DOCK9: variants seen among roughly 807,000 people sequenced by gnomAD.
DOCK9 encodes dedicator of cytokinesis protein 9.
A neutral mutation model predicts 263.3 loss-of-function variants in DOCK9; 89 were observed. The observed-to-expected ratio is 0.34, with a 90% CI of 0.28 to 0.40. The LOEUF (loss-of-function observed/expected upper bound fraction) is 0.40, where lower values mean the gene tolerates loss of function less well. DOCK9 is among the 10% of genes least tolerant of loss of function. The probability of loss-of-function intolerance (pLI) is 1.00; values close to 1 mark genes in which losing one functional copy is unlikely to be tolerated. For synonymous variants in DOCK9, 976 were observed against 973.1 expected (o/e 1.00, Z -0.06); for missense variants, 2,140 against 2,603.4 (o/e 0.82, Z 3.87).
rs568951938 is a variant in DOCK9, at chr13:98,955,918, A to G, written c.127-367T>C. Among the ~76,000 whole-genome samples, 132 of 152,366 alleles carry G rather than the reference A, an allele frequency of 8.7e-4. 1 individual carries two copies. Among genetic ancestry groups the G allele is most frequent in the African/African-American group, 3.1e-3 (128 of 41,592 alleles). On this transcript the variant is annotated intron_variant, in intron 1 of 52. Coordinates refer to ENST00000682017, the MANE Select transcript of DOCK9 (RefSeq NM_001366683.2). ...GCCTGGCAGTTGAGGCCAGATGCCCAGAACGGCTCCAGCCACGATACCATC... is the reference window on the plus strand; with the variant it reads ...GCCTGGCAGTTGAGGCCAGATGCCCGGAACGGCTCCAGCCACGATACCATC...
chr13:99,037,657 T>A (rs565215550), intron 1 of DOCK9, among the ~76,000 whole-genome samples: 1 of 152,212 alleles, frequency 6.6e-6, no homozygotes, highest in Non-Finnish European at 1.5e-5. Context: ...ATATAAAAAT[T>A]TGTACACAAA....
chr13:98,901,596 A>C (rs1249160105), intron 13 of DOCK9, among the ~76,000 whole-genome samples, 182 bp downstream of exon 13: 1 of 152,250 alleles, frequency 6.6e-6, no homozygotes, highest in East Asian at 1.9e-4. Context: ...TTATTTACAC[A>C]TAGGACTACA....
intron 45 of DOCK9, among the ~76,000 whole-genome samples, chr13:98,814,441 T>C (rs1249413581): frequency 6.7e-6 from 1 of 148,956 alleles, no homozygotes; most frequent in Admixed American, 6.7e-5. Flanking sequence ...AGTCTCATTC[T>C]GTCGCCCAGA....
At chr13:99,042,209 G>C (rs1358977240) in intron 1 of DOCK9, among the ~76,000 whole-genome samples, 5 of 152,214 alleles carry the variant, frequency 3.3e-5, no homozygotes, top group African/African-American at 1.2e-4. Context: ...AGTCTAACAG[G>C]TATTATCTCT....
intron 1 of DOCK9, among the ~76,000 whole-genome samples, chr13:99,034,756 G>C (rs1350391936): frequency 6.6e-6 from 1 of 152,176 alleles, no homozygotes; most frequent in Non-Finnish European, 1.5e-5. Flanking sequence ...AAAATGGTGA[G>C]CAGAGTTGTT....
upstream of DOCK9, among the ~76,000 whole-genome samples, chr13:98,980,227 A>G (rs189722083): frequency 3.3e-5 from 5 of 152,366 alleles, no homozygotes; most frequent in African/African-American, 9.6e-5. Flanking sequence ...GGTATTCTGT[A>G]AGGAATGAGA....
At chr13:99,012,718 T>C (rs2141949505) in intron 1 of DOCK9, among the ~76,000 whole-genome samples, 1 of 152,294 alleles carries the variant, frequency 6.6e-6, no homozygotes, top group East Asian at 1.9e-4. Context: ...AATATCCAAT[T>C]GTCAGTCATT....
chr13:98,811,758 T>C (rs981437145), intron 45 of DOCK9, among the ~76,000 whole-genome samples: 4 of 152,370 alleles, frequency 2.6e-5, no homozygotes, highest in East Asian at 1.9e-4. Flanking sequence ...AAGTTTTTAA[T>C]TGTAAACAAA....
intron 49 of DOCK9, among the ~76,000 whole-genome samples, chr13:98,802,003 AG>A: frequency 6.6e-6 from 1 of 152,326 alleles, no homozygotes; most frequent in Middle Eastern, 3.4e-3. Flanking sequence ...GGATCCACAA[AG>A]CTCCCTGGTA....
chr13:98,986,200 C>T (rs1878409149), intron 1 of DOCK9, among the ~76,000 whole-genome samples: 1 of 152,180 alleles, frequency 6.6e-6, no homozygotes, highest in Admixed American at 6.5e-5. Flanking sequence ...TTTTGTAGAC[C>T]TTATATTTGT....
intron 2 of DOCK9, among the ~76,000 whole-genome samples, chr13:98,937,427 T>C (rs948524502): frequency 6.6e-6 from 1 of 152,168 alleles, no homozygotes; most frequent in Non-Finnish European, 1.5e-5. Context: ...AGATGATCGA[T>C]AGACAGATAG....
chr13:99,058,094 G>A (rs2041011229), intron 1 of DOCK9, among the ~76,000 whole-genome samples: 1 of 151,604 alleles, frequency 6.6e-6, no homozygotes, highest in East Asian at 1.9e-4. Flanking sequence ...AATATGAAAT[G>A]TCCCAACTTC....
chr13:98,884,189 C>G (rs2045316420), intron 21 of DOCK9, among the ~76,000 whole-genome samples: 1 of 152,242 alleles, frequency 6.6e-6, no homozygotes, highest in South Asian at 2.1e-4. Context: ...ATTACACCAG[C>G]ATCTGAACCC....
At chr13:98,858,292 C>G (rs1465776373) in intron 33 of DOCK9, 1 of 152,190 alleles carries the variant, frequency 6.6e-6, no homozygotes, top group African/African-American at 2.4e-5. Context: ...AAAAGAAACC[C>G]TGAGCCTCAG....
intron 38 of DOCK9, among the ~76,000 whole-genome samples, chr13:98,838,579 C>T (rs544568734): frequency 1.1e-4 from 16 of 152,280 alleles, no homozygotes; most frequent in Admixed American, 3.9e-4. Context: ...TAAATACAAA[C>T]GGATATCTTC....
chr13:98,992,045 A>G (rs2390132), intron 1 of DOCK9, among the ~76,000 whole-genome samples: 82,756 of 151,426 alleles, frequency 0.55, 22,878 homozygotes, highest in South Asian at 0.68. Flanking sequence ...ACACCTGGTG[A>G]GATCGTGTCA....
chr13:99,087,099 CCTTTA>C (rs143422809), upstream of DOCK9, among the ~76,000 whole-genome samples: 3,993 of 152,246 alleles, frequency 0.026, 161 homozygotes, highest in African/African-American at 0.091. Flanking sequence ...AGGAAAGTAG[CCTTTA>C]TTTATGTGGC....
At chr13:99,016,046 A>G (rs542845161) in intron 1 of DOCK9, 197 of 154,178 alleles carry the variant, frequency 1.3e-3, no homozygotes, top group African/African-American at 4.7e-3. Flanking sequence ...ACTGCTGCAG[A>G]TGCTGCTGGG....
At position 98,915,358 on chromosome 13, in the gene DOCK9, T is replaced by G. The variant is rs1474475781; in HGVS notation, c.863A>C (p.Gln288Pro). 6.8e-6 allele frequency: 11 copies of G among 1,613,808 alleles called. No homozygotes were observed. The highest frequency in any genetic ancestry group is 8.5e-6 in the Non-Finnish European group (10 of 1,179,872). ...GTGAGAGTCGCCATTTCGCTTTTCT[T>G]GCATTGCAGCTTCAAAGTTGAGCTG... ...ILQLNFEAAM[Q>P]EKRNGDSHED... Residue 288 changes from glutamine (Q) to proline (P), a missense_variant, in exon 8 of 53, where the codon CAA becomes CCA. By Grantham distance (76) the Gln-to-Pro change is moderately conservative. Around this residue, in one of 2 missense-constraint regions of DOCK9, gnomAD observed 1,521 missense variants for 1,741.7 expected, o/e 0.87. Transcript: ENST00000682017.
Sources: allele counts gnomAD v4.1 joint callset (sites outside exome capture counted in the v4.1 genomes callset), GRCh38; gene constraint gnomAD v4.1.1; regional missense constraint gnomAD v4.1.1; transcripts MANE v1.5; gene names NCBI Gene and HGNC (gene_info 2026-07-23, HGNC 2026-07-21).